The following LGSN variants were observed in gnomAD, a reference collection of about 807,000 sequenced individuals.
LGSN encodes the protein lengsin.
In LGSN, 21 loss-of-function variants were observed where a neutral mutation model predicts 19.5. That is an observed-to-expected ratio of 1.07 (90% CI 0.76 to 1.55). LGSN has a LOEUF of 1.55. LGSN is among the 40% of genes most tolerant of loss of function. The pLI, the probability that LGSN is intolerant of heterozygous loss-of-function variation, is 0.00. For synonymous variants in LGSN, 257 were observed against 215.6 expected, an observed-to-expected ratio of 1.19 and a Z score of -1.68; for missense variants, 673 against 608.5, an observed-to-expected ratio of 1.11 and a Z score of -1.12.
chr6:63,345,216 G>A, the LGSN span, among the ~76,000 whole-genome samples: 1 of 152,064 alleles, frequency 6.6e-6, no homozygotes, highest in Non-Finnish European at 1.5e-5. Context: ...TATATGTTTT[G>A]GGTTGGGTAA....
the LGSN span, among the ~76,000 whole-genome samples, chr6:63,401,825 C>T: frequency 6.6e-6 from 1 of 152,158 alleles, no homozygotes; most frequent in Non-Finnish European, 1.5e-5. Flanking sequence ...TTCTATTGGT[C>T]AGGATTACTT....
At chr6:63,324,731 A>G (rs1395453736), upstream of LGSN, among the ~76,000 whole-genome samples, 2 of 152,090 alleles carry the variant, frequency 1.3e-5, no homozygotes, top group African/African-American at 4.8e-5. Flanking sequence ...ATGAAAATAG[A>G]AAAACTACAT....
chr6:63,443,512 A>G, the LGSN span: 2 of 577,414 alleles, frequency 3.5e-6, no homozygotes, highest in Non-Finnish European at 4.7e-6. Context: ...ACCAGCGTGA[A>G]CACCATCTGT....
chr6:63,412,464 A>AGGAAGG, the LGSN span, among the ~76,000 whole-genome samples: 11 of 128,714 alleles, frequency 8.5e-5, no homozygotes, highest in South Asian at 7.0e-4. Context: ...GAAAGAAAGA[A>AGGAAGG]AAAGAGAGAG....
At chr6:63,521,219 T>C in the LGSN span, among the ~76,000 whole-genome samples, 2 of 149,506 alleles carry the variant, frequency 1.3e-5, no homozygotes, top group African/African-American at 4.9e-5. Context: ...GCCCAAAACT[T>C]AAAGTAAAAT....
chr6:63,462,510 G>A, the LGSN span, among the ~76,000 whole-genome samples: 2 of 152,280 alleles, frequency 1.3e-5, no homozygotes, highest in East Asian at 3.9e-4. Context: ...GGTGATGCAT[G>A]CCTGTAGTCC....
At chr6:63,383,595 A>T in the LGSN span, among the ~76,000 whole-genome samples, 16 of 152,260 alleles carry the variant, frequency 1.1e-4, no homozygotes, top group African/African-American at 3.6e-4. Flanking sequence ...CACAAAACAG[A>T]TTATAGAAAT....
rs558594162 is a variant in LGSN, at chr6:63,305,649, C to A, written c.31-10604G>T. Among the ~76,000 whole-genome samples, 168 of 152,210 alleles carry A rather than the reference C, an allele frequency of 1.1e-3. 2 individuals are homozygous for A. Among genetic ancestry groups the A allele is most frequent in the African/African-American group, 3.7e-3 (154 of 41,528 alleles). ...TCTTGTTCTGTCCATAAATGTTATCCAACAATGTGGCAGCTCCAGAGTCGC... is the reference window on the plus strand; with the variant it reads ...TCTTGTTCTGTCCATAAATGTTATCAAACAATGTGGCAGCTCCAGAGTCGC... On this transcript the variant is annotated intron_variant, in intron 1 of 3. Coordinates refer to ENST00000370657, the MANE Select transcript of LGSN (RefSeq NM_016571.3).
intron 1 of LGSN, among the ~76,000 whole-genome samples, chr6:63,314,290 C>T (rs984443213): frequency 1.3e-5 from 2 of 152,152 alleles, no homozygotes; most frequent in African/African-American, 4.8e-5. Context: ...CTGCTCTCCA[C>T]CATATAGGAT....
At chr6:63,380,877 T>C in the LGSN span, among the ~76,000 whole-genome samples, 1 of 152,262 alleles carries the variant, frequency 6.6e-6, no homozygotes, top group Non-Finnish European at 1.5e-5. Context: ...AAATTTTTTT[T>C]CAGTTAAGAG....
At chr6:63,572,602 G>A in the LGSN span, 1 of 418,216 alleles carries the variant, frequency 2.4e-6, no homozygotes, top group South Asian at 1.1e-4. Context: ...CGCCACCGCC[G>A]CTCCGCCACG....
chr6:63,551,585 G>A, the LGSN span, among the ~76,000 whole-genome samples: 1 of 151,872 alleles, frequency 6.6e-6, no homozygotes, highest in South Asian at 2.1e-4. Context: ...TGTGCACAAT[G>A]TGCAGGTTTG....
chr6:63,333,011 C>T, the LGSN span, among the ~76,000 whole-genome samples: 1 of 152,128 alleles, frequency 6.6e-6, no homozygotes, highest in South Asian at 2.1e-4. Context: ...AAGCTTCAGA[C>T]CTTCACGGTG....
At chr6:63,533,438 A>G in the LGSN span, among the ~76,000 whole-genome samples, 4 of 152,220 alleles carry the variant, frequency 2.6e-5, no homozygotes, top group Admixed American at 6.6e-5. Flanking sequence ...TTAATTTTGT[A>G]TTACACAGAA....
At chr6:63,332,802 G>A in the LGSN span, among the ~76,000 whole-genome samples, 18 of 152,244 alleles carry the variant, frequency 1.2e-4, no homozygotes, top group African/African-American at 3.1e-4. Flanking sequence ...ACTGCTTGGC[G>A]ATTGTCTCAC....
chr6:63,432,343 A>T, the LGSN span, among the ~76,000 whole-genome samples: 2 of 152,064 alleles, frequency 1.3e-5, no homozygotes, highest in Non-Finnish European at 2.9e-5. Context: ...CATTCACAAG[A>T]TCCTGGTAAC....
chr6:63,412,470 G>GAGAGA, the LGSN span, among the ~76,000 whole-genome samples: 8 of 101,392 alleles, frequency 7.9e-5, no homozygotes, highest in South Asian at 2.4e-3. Context: ...AAGAAAAAGA[G>GAGAGA]AGAGAAGAAA....
the LGSN span, among the ~76,000 whole-genome samples, chr6:63,486,792 C>T: frequency 6.9e-6 from 1 of 145,088 alleles, no homozygotes; most frequent in Non-Finnish European, 1.5e-5. Context: ...CTCCGGTGAT[C>T]CCCCCACCTC....
chr6:63,500,571 A>G, the LGSN span, among the ~76,000 whole-genome samples: 2 of 150,778 alleles, frequency 1.3e-5, no homozygotes, highest in South Asian at 4.2e-4. Context: ...GCAGGCATGC[A>G]CCACCACGCC....
Sources: gnomAD v4.1 joint callset for allele counts (sites outside exome capture counted in the v4.1 genomes callset) on GRCh38, gnomAD v4.1.1 for gene constraint, MANE v1.5 for transcripts, NCBI Gene and HGNC (gene_info 2026-07-23, HGNC 2026-07-21) for gene names.